RTL5: variants seen among roughly 807,000 people sequenced by gnomAD.
The protein encoded by RTL5 is retrotransposon Gag like 5.
A neutral mutation model predicts 7.7 loss-of-function variants in RTL5; 8 were observed. The ratio of observed to expected loss-of-function variants is 1.04; its 90% CI spans 0.61 to 1.88. RTL5 has a LOEUF of 1.88. Among genes scored for constraint, RTL5 ranks in the 40% most tolerant of loss-of-function variants. The pLI is 0.00. For missense variants in RTL5, 457 were observed against 472.7 expected (o/e 0.97, Z 0.31); for synonymous variants, 188 against 191.8 (o/e 0.98, Z 0.16).
In RTL5 at chrX:72,130,918, T is replaced by C. The variant is rs777629758; in HGVS notation, c.623A>G (p.Gln208Arg). The change falls in exon 1 of 1, where the codon CAG (glutamine) becomes CGG (arginine). Residue 208 changes from glutamine (Q) to arginine (R), a missense_variant. By Grantham distance (43) the Gln-to-Arg change is conservative. Coordinates refer to ENST00000609883, the Ensembl canonical transcript of RTL5. ...GTTGGCATGCAAGGGGCTTCCTTCC[T>C]GGGTGACCGAGATGGCCCAGTCCTT... The C allele has an allele frequency of 2.1e-5, 26 of 1,210,248 alleles. No homozygotes were observed. The East Asian group carries it at 7.4e-4, about 34-fold the overall frequency.
At chrX:72,129,658 GCT>G in exon 1 of RTL5, 2 of 484,182 alleles carry the variant, frequency 4.1e-6, no homozygotes, top group Non-Finnish European at 6.7e-6. Context: ...GGCACACGTC[GCT>G]CTCTGGTCAC....
chrX:72,131,613 G>A, exon 1 of RTL5: 2 of 1,028,768 alleles, frequency 1.9e-6, no homozygotes, highest in Non-Finnish European at 2.6e-6. Context: ...GCCGGAGGAG[G>A]CCGAAATGCG....
At chrX:72,131,731 C>T (rs1175110900) in exon 1 of RTL5, 2 of 324,384 alleles carry the variant, frequency 6.2e-6, no homozygotes, top group African/African-American at 5.6e-5. Context: ...GAGGGCCCGG[C>T]GGCTCGGCCC....
rs780176812 is a variant in RTL5 at position 72,131,530 on chromosome X, G to A, written c.11C>T (p.Ala4Val). Reference sequence around the variant, plus strand: ...GCGGAGGCTGTTGAGATTTCCTGACGCCTCAGACATCTCGACAAGCCCAGG... The same window carrying A: ...GCGGAGGCTGTTGAGATTTCCTGACACCTCAGACATCTCGACAAGCCCAGG... Residue 4 changes from alanine (A) to valine (V), a missense_variant, in exon 1 of 1, where the codon GCG becomes GTG. Coordinates refer to ENST00000609883, the Ensembl canonical transcript of RTL5. The A allele has an allele frequency of 1.8e-5, 21 of 1,182,412 alleles. No homozygotes were observed. The South Asian group carries it at 3.5e-4, about 19-fold the overall frequency.
Position 72,129,951 on chromosome X carries a change from T to C in RTL5, c.1590A>G (p.Gln530=), listed in dbSNP as rs763493311. 3.1e-5 allele frequency: 37 copies of C among 1,208,908 alleles called. No individual in the cohort carries two copies. The East Asian group carries it at 8.9e-4, about 29-fold the overall frequency. ...CTAAACGACCTGTGCGGCGAATCAG[T>C]TGGGGGGAGCTGTAGAATGGTGAAT... Residue 530 remains glutamine (Q), a synonymous_variant, in exon 1 of 1, where the codon CAA becomes CAG. Coordinates refer to ENST00000609883, the Ensembl canonical transcript of RTL5.
Position 72,130,650 on chromosome X carries a change from C to T in RTL5, c.891G>A (p.Leu297=), listed in dbSNP as rs188083554. Residue 297 remains leucine, a synonymous_variant, in exon 1 of 1, where the codon CTG becomes CTA. Coordinates refer to ENST00000609883, the Ensembl canonical transcript of RTL5. ...CCACACATTCGAGAATCAGCTCATCCAGGTCGGCCATTTCTGTTGACCATA... is the reference window on the plus strand; with the variant it reads ...CCACACATTCGAGAATCAGCTCATCTAGGTCGGCCATTTCTGTTGACCATA... 1.2e-4 allele frequency: 145 copies of T among 1,210,162 alleles called. No individual in the cohort carries two copies. The African/African-American group carries it at 2.3e-3, about 20-fold the overall frequency.
chrX:72,128,783 C>G (rs1341750089), exon 1 of RTL5: 1 of 113,123 alleles, frequency 8.8e-6, no homozygotes, highest in African/African-American at 3.2e-5. Context: ...GCCAATCAGG[C>G]CTCCTCTGCA....
exon 1 of RTL5, chrX:72,131,180 G>T: frequency 5.1e-6 from 6 of 1,186,400 alleles, no homozygotes; most frequent in Non-Finnish European, 6.8e-6. Flanking sequence ...GGCAGCAGAG[G>T]GGGGTCAGCG....
At chrX:72,129,781 G>A (rs762563222) in exon 1 of RTL5, 18 of 1,111,439 alleles carry the variant, frequency 1.6e-5, no homozygotes, top group East Asian at 3.0e-5. Flanking sequence ...TAGCAGGGGC[G>A]GGGGATGCAA....
At chrX:72,131,599 G>A (rs953539445) in exon 1 of RTL5, 54 of 1,084,186 alleles carry the variant, frequency 5.0e-5, no homozygotes, top group Non-Finnish European at 6.5e-5. Flanking sequence ...TGGAACTACG[G>A]GCGGCCGGAG....
In RTL5 at chrX:72,131,635, C is replaced by G. The variant is rs754424280; in HGVS notation, c.-95G>C. The G allele has an allele frequency of 2.6e-4, 233 of 895,237 alleles. 1 individual carries two copies. The African/African-American group carries it at 4.5e-3, about 17-fold the overall frequency. 73.8% of individuals were successfully genotyped at this position (895,237 alleles called of 1,213,427 possible). On this transcript the variant is annotated 5_prime_UTR_variant, in exon 1 of 1. Transcript: ENST00000609883. ...GAGGCCGAAATGCGGCGGCGGGGCTCGGGAGGGACCGAAGTGCGGCAGCGG... is the reference window on the plus strand; with the variant it reads ...GAGGCCGAAATGCGGCGGCGGGGCTGGGGAGGGACCGAAGTGCGGCAGCGG...
chrX:72,131,872 G>A (rs1311892639), upstream of RTL5: 2 of 336,264 alleles, frequency 5.9e-6, no homozygotes, highest in South Asian at 5.0e-5. Flanking sequence ...GCGGGCAGGG[G>A]CGAGCGGAGC....
chrX:72,127,939 G>C (rs1303458204), exon 1 of RTL5: 4 of 112,966 alleles, frequency 3.5e-5, no homozygotes, highest in Non-Finnish European at 5.6e-5. Context: ...AAGGAAAGCA[G>C]CAAAGTGTTA....
chrX:72,129,820 G>A, exon 1 of RTL5: 1 of 1,182,144 alleles, frequency 8.5e-7, no homozygotes, highest in Non-Finnish European at 1.1e-6. Context: ...GTGGCCATCT[G>A]GCCCCAGCAC....
exon 1 of RTL5, chrX:72,129,844 C>G: frequency 3.4e-6 from 4 of 1,189,841 alleles, no homozygotes; most frequent in Non-Finnish European, 4.5e-6. Context: ...AACTCGAATT[C>G]GGCCACGAGC....
At position 72,131,265 on chromosome X, in the gene RTL5, TG is replaced by T; in HGVS notation, c.275del (p.Pro92HisfsTer13). The T allele has an allele frequency of 1.7e-6, 2 of 1,196,617 alleles. No individual in the cohort carries two copies. The highest frequency in any genetic ancestry group is 2.3e-6 in the Non-Finnish European group (2 of 888,431). ...CCGAGATACAGTCGGGCTCCGCGCG[TG>T]GGGGAGGCCGGCACAAGAAGGGCAG... On this transcript the variant is annotated frameshift_variant, in exon 1 of 1. Transcript: ENST00000609883. LOFTEE classifies it low-confidence loss of function (END_TRUNC).
Position 72,129,738 on chromosome X carries a change from C to A in RTL5, c.*93G>T, listed in dbSNP as rs144289234. ...CTGCAGGTCTGAAACTCCCTGAAGT[C>A]CTGGTCAGCAAATGGGGCAGGTATG... On this transcript the variant is annotated 3_prime_UTR_variant, in exon 1 of 1. Coordinates refer to ENST00000609883, the Ensembl canonical transcript of RTL5. 1.1e-3 allele frequency: 939 copies of A among 882,732 alleles called. 8 individuals are homozygous for A. In the East Asian group the frequency reaches 0.023, roughly 22 times the overall value. The allele number at this position is 882,732 out of a possible 1,213,427, so 72.7% of individuals were successfully genotyped here.
chrX:72,131,200 G>T (rs1441777439), exon 1 of RTL5: 31 of 1,194,840 alleles, frequency 2.6e-5, no homozygotes, highest in Non-Finnish European at 3.5e-5. Context: ...GGGCCCGTCG[G>T]GGGTGCTGCG....
At chrX:72,129,579 G>A (rs753104259) in exon 1 of RTL5, 85 of 370,203 alleles carry the variant, frequency 2.3e-4, no homozygotes, top group Non-Finnish European at 3.1e-4. Context: ...GCTCGTGGCC[G>A]GACTGAGCAG....
Sources: allele counts gnomAD v4.1 joint callset, GRCh38; gene constraint gnomAD v4.1.1; transcripts MANE v1.5; gene names NCBI Gene and HGNC (gene_info 2026-07-23, HGNC 2026-07-21).